MGAT4A: variants seen among roughly 807,000 people sequenced by gnomAD.
MGAT4A encodes N-acetylglucosaminyltransferase IVa.
In MGAT4A, 33 loss-of-function variants were observed where a neutral mutation model predicts 74.1. The observed-to-expected ratio is 0.45, with a 90% confidence interval of 0.34 to 0.60. The LOEUF (loss-of-function observed/expected upper bound fraction) is 0.60. MGAT4A is among the 20% of genes least tolerant of loss of function. The pLI, the probability that MGAT4A is intolerant of heterozygous loss-of-function variation, is 0.02. For synonymous variants in MGAT4A, 198 were observed against 210.4 expected (o/e 0.94, Z 0.51); for missense variants, 479 against 628.3 (o/e 0.76, Z 2.54).
At chr2:98,636,218 C>G (rs1160297507) in intron 13 of MGAT4A, among the ~76,000 whole-genome samples, 3 of 151,876 alleles carry the variant, frequency 2.0e-5, no homozygotes, top group Non-Finnish European at 4.4e-5. Context: ...GTTTTGAACT[C>G]CTGACCTCAA....
intron 6 of MGAT4A, among the ~76,000 whole-genome samples, chr2:98,657,077 C>T (rs1365549871): frequency 3.3e-5 from 5 of 152,192 alleles, no homozygotes; most frequent in South Asian, 2.1e-4. Context: ...ACAATGCATA[C>T]GGCAGCCCCC....
intron 14 of MGAT4A, among the ~76,000 whole-genome samples, chr2:98,626,167 C>A (rs1364180798): frequency 6.6e-6 from 1 of 152,096 alleles, no homozygotes; most frequent in Non-Finnish European, 1.5e-5. Context: ...CTAAATCTTA[C>A]CAAAATATAA....
chr2:98,662,290 C>G (rs1015285924), intron 5 of MGAT4A, among the ~76,000 whole-genome samples: 1 of 152,218 alleles, frequency 6.6e-6, no homozygotes, highest in African/African-American at 2.4e-5. Flanking sequence ...TATTTCAGAA[C>G]AAAAAGTCTT....
chr2:98,672,081 C>T (rs1032979318), intron 4 of MGAT4A, among the ~76,000 whole-genome samples: 2 of 150,588 alleles, frequency 1.3e-5, no homozygotes, highest in Admixed American at 1.3e-4. Context: ...GGTTTAAACA[C>T]AGTGAGTTTG....
intron 3 of MGAT4A, among the ~76,000 whole-genome samples, chr2:98,677,217 A>T (rs3769690): frequency 4.6e-5 from 7 of 152,208 alleles, no homozygotes; most frequent in Admixed American, 1.3e-4. Flanking sequence ...AGATACTCCT[A>T]AAGTATCCAC....
At chr2:98,706,065 T>C (rs184268228) in intron 2 of MGAT4A, among the ~76,000 whole-genome samples, 11 of 152,008 alleles carry the variant, frequency 7.2e-5, no homozygotes, top group South Asian at 4.2e-4. Flanking sequence ...GCTGAACCGA[T>C]TGATAAAAAT....
intron 1 of MGAT4A, among the ~76,000 whole-genome samples, chr2:98,729,896 C>G (rs990166475): frequency 2.0e-5 from 3 of 152,174 alleles, no homozygotes; most frequent in Non-Finnish European, 4.4e-5. Flanking sequence ...TGGCAAAATT[C>G]ATTTATTTGC....
intron 2 of MGAT4A, among the ~76,000 whole-genome samples, chr2:98,720,842 A>C (rs1000232714): frequency 1.3e-5 from 2 of 152,210 alleles, no homozygotes; most frequent in Non-Finnish European, 2.9e-5. Flanking sequence ...TGTAATGGGA[A>C]TACCAGAAGG....
intron 1 of MGAT4A, among the ~76,000 whole-genome samples, chr2:98,730,818 C>T (rs900878295): frequency 6.8e-6 from 1 of 146,888 alleles, no homozygotes; most frequent in Non-Finnish European, 1.5e-5. Context: ...CCCCCGAGGC[C>T]CAGCCGCTCC....
chr2:98,650,962 GA>G (rs1307054764), intron 8 of MGAT4A, among the ~76,000 whole-genome samples: 6 of 151,714 alleles, frequency 4.0e-5, no homozygotes, highest in African/African-American at 1.2e-4. Flanking sequence ...AAAAGGAAAA[GA>G]AAAAAAGAAT....
At chr2:98,729,342 G>C (rs1388235646) in intron 1 of MGAT4A, among the ~76,000 whole-genome samples, 1 of 152,084 alleles carries the variant, frequency 6.6e-6, no homozygotes, top group Non-Finnish European at 1.5e-5. Flanking sequence ...TAACTGCACG[G>C]CACAAGTGAA....
In MGAT4A at chr2:98,705,736, G is replaced by A. The variant is rs552817503; in HGVS notation, c.94+20503C>T. On this transcript the variant is annotated intron_variant, in intron 2 of 15. Coordinates refer to ENST00000393487, the MANE Select transcript of MGAT4A (RefSeq NM_012214.3). ...AGGCAGGTGGATCATGAGGTCAGGAGATCGAGACCATCCTGGCTAACAAGG... is the reference window on the plus strand; with the variant it reads ...AGGCAGGTGGATCATGAGGTCAGGAAATCGAGACCATCCTGGCTAACAAGG... 3.4e-3 allele frequency among the ~76,000 whole-genome samples: 519 copies of A among 151,924 alleles called. 2 individuals carry two copies. The highest frequency in any genetic ancestry group is 0.012 in the African/African-American group (483 of 41,412).
At chr2:98,664,200 C>CAAAAAAAAAAAAAAAAAA (rs57981145) in intron 4 of MGAT4A, among the ~76,000 whole-genome samples, 2 of 51,444 alleles carry the variant, frequency 3.9e-5, no homozygotes, top group Non-Finnish European at 7.2e-5. Flanking sequence ...GATTCCATCT[C>CAAAAAAAAAAAAAAAAAA]AAAAAAAAAA....
intron 2 of MGAT4A, among the ~76,000 whole-genome samples, chr2:98,708,471 T>A (rs918707861): frequency 1.4e-4 from 22 of 152,028 alleles, no homozygotes; most frequent in Non-Finnish European, 2.8e-4. Flanking sequence ...TAATTATTTC[T>A]AGAAAAAAAA....
intron 6 of MGAT4A, 82 bp from the exon 7 acceptor site, chr2:98,656,547 A>ATGTT: frequency 4.6e-6 from 4 of 868,604 alleles, no homozygotes; most frequent in Non-Finnish European, 7.3e-6. Context: ...TGTTTAACAT[A>ATGTT]AAACACATCA....
chr2:98,620,563 A>C lies in MGAT4A; in HGVS notation c.*5003T>G, dbSNP rs1701047733. The C allele has an allele frequency of 6.6e-6, 1 of 152,204 alleles. No individual in the cohort carries two copies. The highest frequency in any genetic ancestry group is 6.5e-5 in the Admixed American group (1 of 15,280). 9.4% of individuals were successfully genotyped at this position (152,204 alleles called of 1,614,324 possible). The stretch of plus-strand genomic sequence containing the variant: ...AGCTATTAATGGCTTGGAAGCAGAG[A>C]GGTATTTGCAAAACATTCTCAAACT... On this transcript the variant is annotated 3_prime_UTR_variant, in exon 16 of 16. Coordinates refer to ENST00000393487, the MANE Select transcript of MGAT4A (RefSeq NM_012214.3).
intron 2 of MGAT4A, among the ~76,000 whole-genome samples, chr2:98,720,070 A>G (rs1323168275): frequency 6.6e-6 from 1 of 152,232 alleles, no homozygotes; most frequent in Non-Finnish European, 1.5e-5. Context: ...AACTATTAAT[A>G]AGAAGAGAGA....
chr2:98,700,292 T>C (rs1294246498), intron 2 of MGAT4A, among the ~76,000 whole-genome samples: 1 of 149,252 alleles, frequency 6.7e-6, no homozygotes, highest in East Asian at 1.9e-4. Context: ...GATTTTTTCC[T>C]TTAGTTGACT....
At chr2:98,659,003 T>A (rs1427633889) in intron 5 of MGAT4A, among the ~76,000 whole-genome samples, 2 of 152,220 alleles carry the variant, frequency 1.3e-5, no homozygotes, top group Non-Finnish European at 2.9e-5. Flanking sequence ...TGAACAAGTC[T>A]AAGCATGGCA....
Sources: gnomAD v4.1 joint callset for allele counts (sites outside exome capture counted in the v4.1 genomes callset) on GRCh38, gnomAD v4.1.1 for gene constraint, MANE v1.5 for transcripts, NCBI Gene and HGNC (gene_info 2026-07-23, HGNC 2026-07-21) for gene names.